CEMIP: variants seen among roughly 807,000 people sequenced by gnomAD.
CEMIP encodes the protein cell migration inducing hyaluronidase 1.
A neutral mutation model predicts 156.9 loss-of-function variants in CEMIP; 105 were observed. The observed-to-expected ratio is 0.67, with a 90% CI of 0.57 to 0.79. CEMIP has a LOEUF of 0.79. CEMIP is among the 30% of genes least tolerant of loss of function. The pLI is 0.00. For missense variants in CEMIP, 1,457 were observed against 1,769.4 expected (o/e 0.82, Z 3.17); for synonymous variants, 676 against 668.4 (o/e 1.01, Z -0.17).
chr15:80,844,523 G>A (rs1330889716), intron 1 of CEMIP, among the ~76,000 whole-genome samples: 9 of 152,170 alleles, frequency 5.9e-5, no homozygotes, highest in Non-Finnish European at 7.3e-5. Context: ...GTAGGACTGT[G>A]TTCCTGAAAA....
At chr15:80,796,029 C>T (rs1197736794) in intron 1 of CEMIP, among the ~76,000 whole-genome samples, 2 of 152,194 alleles carry the variant, frequency 1.3e-5, no homozygotes, top group South Asian at 4.1e-4. Context: ...ACAGCTTGTA[C>T]CAGAAAATAT....
chr15:80,940,459 C>T (rs980043481), intron 25 of CEMIP, among the ~76,000 whole-genome samples: 5 of 152,208 alleles, frequency 3.3e-5, no homozygotes, highest in African/African-American at 7.2e-5. Context: ...TCCAGGGAGA[C>T]GTGACCATGG....
chr15:80,860,657 G>A (rs536428760), intron 1 of CEMIP, among the ~76,000 whole-genome samples: 15 of 152,276 alleles, frequency 9.9e-5, no homozygotes, highest in African/African-American at 3.4e-4. Context: ...GAAAGGCATC[G>A]TTTCTACAGC....
intron 1 of CEMIP, among the ~76,000 whole-genome samples, chr15:80,806,912 A>G (rs938571172): frequency 2.0e-5 from 3 of 152,198 alleles, no homozygotes; most frequent in Admixed American, 1.3e-4. Context: ...TAGCTCCTCC[A>G]GAGGGTGTGT....
chr15:80,858,451 C>T (rs559856619), intron 1 of CEMIP, among the ~76,000 whole-genome samples: 25 of 152,026 alleles, frequency 1.6e-4, no homozygotes, highest in African/African-American at 3.4e-4. Flanking sequence ...TGGTGGCTCA[C>T]GCCTGTAATC....
intron 1 of CEMIP, among the ~76,000 whole-genome samples, chr15:80,843,426 A>G (rs1360325201): frequency 6.6e-6 from 1 of 152,198 alleles, no homozygotes; most frequent in African/African-American, 2.4e-5. Context: ...TCTACTGCGC[A>G]CACTGCCTCT....
At chr15:80,890,071 T>C (rs1181796577) in intron 10 of CEMIP, among the ~76,000 whole-genome samples, 1 of 152,190 alleles carries the variant, frequency 6.6e-6, no homozygotes, top group Non-Finnish European at 1.5e-5. Flanking sequence ...TAGAGTTAAT[T>C]CCATCTGAAG....
At chr15:80,884,086 T>G in intron 6 of CEMIP, 89 bp from the exon 7 acceptor site, 1 of 1,264,586 alleles carries the variant, frequency 7.9e-7, no homozygotes, top group Non-Finnish European at 1.2e-6. Flanking sequence ...GGATAGCATG[T>G]TAGCTGTCGC....
intron 1 of CEMIP, among the ~76,000 whole-genome samples, chr15:80,799,474 T>C (rs949859503): frequency 3.9e-5 from 6 of 152,350 alleles, no homozygotes; most frequent in African/African-American, 1.4e-4. Flanking sequence ...GAGAGTCATA[T>C]ATAGTTTCTT....
intron 1 of CEMIP, among the ~76,000 whole-genome samples, chr15:80,800,993 C>A (rs376705370): frequency 3.3e-5 from 5 of 152,310 alleles, no homozygotes; most frequent in Admixed American, 1.3e-4. Context: ...ACTCTAGCAA[C>A]ATCCTAGGAT....
chr15:80,805,752 C>T (rs1077540), intron 1 of CEMIP, among the ~76,000 whole-genome samples: 78,755 of 152,052 alleles, frequency 0.52, 21,756 homozygotes, highest in Non-Finnish European at 0.62. Context: ...ATTTAAATTG[C>T]TTACATAAAC....
chr15:80,918,173 G>A (rs1295716773), intron 14 of CEMIP, among the ~76,000 whole-genome samples: 2 of 152,206 alleles, frequency 1.3e-5, no homozygotes, highest in African/African-American at 4.8e-5. Flanking sequence ...TCCCCAGGGG[G>A]CTGAGGTGGG....
chr15:80,782,391 C>G (rs1308297683), intron 1 of CEMIP, among the ~76,000 whole-genome samples: 1 of 152,178 alleles, frequency 6.6e-6, no homozygotes, highest in South Asian at 2.1e-4. Context: ...TTACTTCATG[C>G]TTGAGCCTTG....
chr15:80,929,020 G>A lies in CEMIP; in HGVS notation c.2458G>A (p.Gly820Ser). ...ACCTTAAACATCTTCTCTCTACAGT[G>A]GTGGAACCTTCCCGTATGACGACGG... ...DNGIGLTLAS[G>S]GTFPYDDGSK... Residue 820 changes from glycine (G) to serine (S), a missense_variant and splice_region_variant, in exon 21 of 30, where the codon GGT becomes AGT. Gly to Ser is a moderately conservative substitution (Grantham distance 56, BLOSUM62 0). Transcript: ENST00000394685. 2 of 1,614,162 alleles carry A rather than the reference G, an allele frequency of 1.2e-6. No individual in the cohort carries two copies. The highest frequency in any genetic ancestry group is 4.5e-5 in the East Asian group (2 of 44,874).
chr15:80,815,356 C>A (rs898653083), intron 1 of CEMIP, among the ~76,000 whole-genome samples: 1 of 152,240 alleles, frequency 6.6e-6, no homozygotes, highest in African/African-American at 2.4e-5. Context: ...AGCTTTGAGA[C>A]ATTGGGAAAG....
chr15:80,906,277 G>A lies in CEMIP; in HGVS notation c.1412-386G>A, dbSNP rs1359691523. ...GAAAAGAGCAAGAGGAGGGCAGTCT[G>A]GAGGTGGCACTTATCACTTCTCAAA... On this transcript the variant is annotated intron_variant, in intron 12 of 29. Transcript: ENST00000394685. This position sits in a 1 kb window ranked among gnomAD's most constrained non-coding sequence, Gnocchi z 4.3. 6.6e-6 allele frequency among the ~76,000 whole-genome samples: 1 copy of A among 152,214 alleles called. No homozygotes were observed. The highest frequency in any genetic ancestry group is 2.1e-4 in the South Asian group (1 of 4,832).
Position 80,898,299 on chromosome 15 carries a change from T to G in CEMIP, c.1411+2239T>G, listed in dbSNP as rs79770990. On this transcript the variant is annotated intron_variant, in intron 12 of 29. Transcript: ENST00000394685. Reference sequence around the variant, plus strand: ...TTATGTCAGCTTCCTCATCTGTAAATGGAGATAATGATTGTGGCTATTTCA... The same window carrying G: ...TTATGTCAGCTTCCTCATCTGTAAAGGGAGATAATGATTGTGGCTATTTCA... 3.4e-4 allele frequency among the ~76,000 whole-genome samples: 52 copies of G among 152,296 alleles called. No homozygotes were observed. The East Asian group carries it at 8.9e-3, about 26-fold the overall frequency.
intron 1 of CEMIP, among the ~76,000 whole-genome samples, chr15:80,860,472 C>T (rs75352901): frequency 0.031 from 4,756 of 152,288 alleles, 234 homozygotes; most frequent in African/African-American, 0.11. Flanking sequence ...AAAGGATTAG[C>T]TGTTAGTGTG....
chr15:80,872,547 TC>T (rs1424458455), intron 1 of CEMIP, among the ~76,000 whole-genome samples: 1 of 152,204 alleles, frequency 6.6e-6, no homozygotes, highest in Non-Finnish European at 1.5e-5. Context: ...GAAGTTTAAT[TC>T]AGGCGGGCAT....
Sources: allele counts gnomAD v4.1 joint callset (sites outside exome capture counted in the v4.1 genomes callset), GRCh38; gene constraint gnomAD v4.1.1; non-coding constraint Gnocchi (gnomAD v3.1); transcripts MANE v1.5; gene names NCBI Gene and HGNC (gene_info 2026-07-23, HGNC 2026-07-21).